Variants in SH2D3A observed in about 807,000 individuals in gnomAD.
SH2D3A encodes SH2 domain containing 3A, also known as SH2 domain-containing protein 3A.
SH2D3A carries 46 observed loss-of-function variants against 50.6 expected under a neutral mutation model. That is an observed-to-expected ratio of 0.91 (90% confidence interval 0.72 to 1.16). SH2D3A has a LOEUF of 1.16. SH2D3A is among the 50% of genes most tolerant of loss of function. The pLI, the probability that SH2D3A is intolerant of heterozygous loss-of-function variation, is 0.00. For missense variants in SH2D3A, 783 were observed against 786.2 expected, an observed-to-expected ratio of 1.00 and a Z score of 0.05; for synonymous variants, 377 against 348.4, an observed-to-expected ratio of 1.08 and a Z score of -0.91.
rs1436836556 is a variant in SH2D3A at position 6,754,397 on chromosome 19, GCGCC to G, written c.1122_1125del (p.Ala375TrpfsTer17). The G allele has an allele frequency of 6.5e-7, 1 of 1,529,278 alleles. No homozygotes were observed. The highest frequency in any genetic ancestry group is 1.3e-5 in the South Asian group (1 of 78,798). 94.7% of individuals were successfully genotyped at this position (1,529,278 alleles called of 1,614,324 possible). Reference sequence around the variant, plus strand: ...GGCCCCGAGCAGCCCAGCACCGCCAGCGCCCCGGCCAGCGCCAGTGTCTGATGCC... The same window carrying G: ...GGCCCCGAGCAGCCCAGCACCGCCAGCCGGCCAGCGCCAGTGTCTGATGCC... On this transcript the variant is annotated frameshift_variant, in exon 7 of 10. Transcript: ENST00000245908. LOFTEE classifies it high-confidence loss of function.
At chr19:6,764,872 A>AT (rs55670461) in intron 1 of SH2D3A, among the ~76,000 whole-genome samples, 14,904 of 102,914 alleles carry the variant, frequency 0.14, 1,761 homozygotes, top group African/African-American at 0.27. Flanking sequence ...TACCTGGCTA[A>AT]TTTTTTTTTT....
chr19:6,761,113 C>T lies in SH2D3A; in HGVS notation c.70-126G>A, dbSNP rs547774272. ...ACCCCAGTGAAACTTCTGTGGCAGGCAAAGACGGGGAACTTTCACACCAAG... is the reference window on the plus strand; with the variant it reads ...ACCCCAGTGAAACTTCTGTGGCAGGTAAAGACGGGGAACTTTCACACCAAG... On this transcript the variant is annotated intron_variant, in intron 2 of 9. Coordinates refer to ENST00000245908, the MANE Select transcript of SH2D3A (RefSeq NM_005490.3). 2.5e-4 allele frequency: 184 copies of T among 731,216 alleles called. 1 individual carries two copies. In the African/African-American group the frequency reaches 2.8e-3, roughly 11 times the overall value. 45.3% of individuals were successfully genotyped at this position (731,216 alleles called of 1,614,324 possible).
chr19:6,764,153 A>C (rs987673516), intron 1 of SH2D3A: 14 of 153,626 alleles, frequency 9.1e-5, no homozygotes. Flanking sequence ...TGAACTCCTG[A>C]CCTCAGGTGA....
chr19:6,766,713 G>T (rs1309878785), intron 1 of SH2D3A, among the ~76,000 whole-genome samples: 1 of 152,236 alleles, frequency 6.6e-6, no homozygotes, highest in Non-Finnish European at 1.5e-5. Flanking sequence ...GCAGTCGGCT[G>T]CGCAAGACAG....
chr19:6,767,213 C>G (rs1262899386), intron 1 of SH2D3A, among the ~76,000 whole-genome samples, 174 bp downstream of exon 1: 2 of 152,180 alleles, frequency 1.3e-5, no homozygotes, highest in Admixed American at 6.5e-5. Flanking sequence ...CTTAGAGAGG[C>G]ACGCCCAGGT....
intron 2 of SH2D3A, among the ~76,000 whole-genome samples, chr19:6,762,733 G>A: frequency 6.9e-6 from 1 of 145,982 alleles, no homozygotes; most frequent in South Asian, 2.2e-4. Context: ...TGCCCAGACT[G>A]GTTTGGAACT....
chr19:6,754,547 C>T (rs1229685064), intron 6 of SH2D3A, 69 bp downstream of exon 6: 1 of 1,602,226 alleles, frequency 6.2e-7, no homozygotes, highest in Non-Finnish European at 8.5e-7. Context: ...GAGTGGGGAG[C>T]TGTTTGGAGA....
intron 3 of SH2D3A, 53 bp from the exon 4 acceptor site, chr19:6,759,723 C>T: frequency 6.4e-7 from 1 of 1,556,882 alleles, no homozygotes; most frequent in South Asian, 1.1e-5. Context: ...CAGTGTCCCC[C>T]ACCAATATCT....
chr19:6,754,349 G>GTGCGGC lies in SH2D3A; in HGVS notation c.1168_1173dup (p.Ala390_Ala391dup). On this transcript the variant is annotated inframe_insertion, in exon 7 of 10. Coordinates refer to ENST00000245908, the MANE Select transcript of SH2D3A (RefSeq NM_005490.3). The stretch of plus-strand genomic sequence containing the variant: ...AGCGCCAGCTCTACCAGTCCCCTCA[G>GTGCGGC]TGCGGCTGCGCGCTCCTCCAGCGGC... The GTGCGGC allele has an allele frequency of 6.4e-7, 1 of 1,571,964 alleles. No homozygotes were observed. Among genetic ancestry groups the GTGCGGC allele is most frequent in the South Asian group, 1.1e-5 (1 of 88,140 alleles).
intron 4 of SH2D3A, among the ~76,000 whole-genome samples, chr19:6,756,532 G>C (rs1247450847): frequency 2.0e-5 from 3 of 151,592 alleles, no homozygotes; most frequent in Non-Finnish European, 4.4e-5. Context: ...TGCACCTACT[G>C]ACCCCTCCTC....
intron 5 of SH2D3A, 36 bp from the exon 6 acceptor site, chr19:6,754,767 A>G (rs2145578733): frequency 1.2e-6 from 2 of 1,613,742 alleles, no homozygotes; most frequent in Non-Finnish European, 8.5e-7. Context: ...GTGAAGCGTG[A>G]TTATGTAGGC....
chr19:6,752,794 G>C, intron 9 of SH2D3A, 41 bp from the exon 10 acceptor site: 1 of 1,468,830 alleles, frequency 6.8e-7, no homozygotes, highest in Non-Finnish European at 9.1e-7. Flanking sequence ...GGGCCCAGGC[G>C]CCCGCCTCGC....
chr19:6,760,844 T>A lies in SH2D3A; in HGVS notation c.213A>T (p.Pro71=), dbSNP rs749972880. ...GTTGAAAGAGGGCTGTGGGTCGGCC[T>A]GGCCGGGGACGCAGGGCCACACGGA... The part of the protein sequence containing the change: ...EVFRVALRPR[P]GRPTALFQLE... The change falls in exon 3 of 10, where the codon CCA becomes CCT. Residue 71 remains proline (P), a synonymous_variant. Coordinates refer to ENST00000245908, the MANE Select transcript of SH2D3A (RefSeq NM_005490.3). 6.2e-7 allele frequency: 1 copy of A among 1,614,220 alleles called. No homozygotes were observed. The highest frequency in any genetic ancestry group is 1.7e-5 in the Admixed American group (1 of 60,016).
chr19:6,762,995 G>C (rs1388146423), intron 2 of SH2D3A, among the ~76,000 whole-genome samples: 1 of 152,076 alleles, frequency 6.6e-6, no homozygotes, highest in African/African-American at 2.4e-5. Context: ...GAGATGCTCA[G>C]GGTCCCAGAA....
rs1470849035 is a variant in SH2D3A, at chr19:6,754,071, C to G, written c.1365G>C (p.Arg455=). The G allele has an allele frequency of 6.2e-7, 1 of 1,609,644 alleles. No homozygotes were observed. Among genetic ancestry groups the G allele is most frequent in the Non-Finnish European group, 8.5e-7 (1 of 1,177,500 alleles). The change falls in exon 8 of 10, where the codon CGG becomes CGC. Residue 455 remains arginine (R), a synonymous_variant. Transcript: ENST00000245908. The part of the protein sequence containing the change: ...AFEQELKPLM[R]ALDEGAGPCD... ...ACTTACCAGCGCCCTCATCCAGAGCCCGCATCAGCGGCTTCAGCTCCTGCT... is the reference window on the plus strand; with the variant it reads ...ACTTACCAGCGCCCTCATCCAGAGCGCGCATCAGCGGCTTCAGCTCCTGCT...
chr19:6,760,552 A>G lies in SH2D3A; in HGVS notation c.419+86T>C, dbSNP rs563506128. ...CAGCCTGGGCAACAGAGTGAGACTC[A>G]GTCAAAAAAAAAAAAAGTCAACCAT... On this transcript the variant is annotated intron_variant, in intron 3 of 9. Transcript: ENST00000245908. The G allele has an allele frequency of 7.0e-5, 81 of 1,155,104 alleles. No homozygotes were observed. The Admixed American group carries it at 2.3e-3, about 33-fold the overall frequency. 71.6% of individuals were successfully genotyped at this position (1,155,104 alleles called of 1,614,324 possible).
Position 6,760,965 on chromosome 19 carries a change from T to G in SH2D3A, c.92A>C (p.Gln31Pro). The G allele has an allele frequency of 6.2e-7, 1 of 1,611,672 alleles. No individual in the cohort carries two copies. The highest frequency in any genetic ancestry group is 8.5e-7 in the Non-Finnish European group (1 of 1,178,552). Residue 31 changes from glutamine to proline, a missense_variant, in exon 3 of 10, where the codon CAA (glutamine) becomes CCA (proline). Coordinates refer to ENST00000245908, the MANE Select transcript of SH2D3A (RefSeq NM_005490.3). Reference sequence around the variant, plus strand: ...GGCGCGAACCAGGAAGTCGCCATTTTGCTGAAGAAGAGCTTCAGCCTTCTG... The same window carrying G: ...GGCGCGAACCAGGAAGTCGCCATTTGGCTGAAGAAGAGCTTCAGCCTTCTG... ...SRQKAEALLQ[Q>P]NGDFLVRASG...
chr19:6,757,370 T>C (rs1405604347), intron 4 of SH2D3A: 1 of 147,518 alleles, frequency 6.8e-6, no homozygotes, highest in Non-Finnish European at 1.5e-5. Context: ...CAGGCTGGAG[T>C]GCAATGGTGC....
chr19:6,763,876 T>C (rs1219565959), intron 1 of SH2D3A, 60 bp from the exon 2 acceptor site: 1 of 504,590 alleles, frequency 2.0e-6, no homozygotes, highest in Non-Finnish European at 3.4e-6. Context: ...TTCATCCTCT[T>C]CTTAATTTTG....
Sources: allele counts gnomAD v4.1 joint callset (sites outside exome capture counted in the v4.1 genomes callset), GRCh38; gene constraint gnomAD v4.1.1; transcripts MANE v1.5; gene names NCBI Gene and HGNC (gene_info 2026-07-23, HGNC 2026-07-21).